Variants in BDKRB2 observed in about 807,000 individuals in gnomAD.
BDKRB2 encodes the protein bradykinin receptor B2, also known as B2 bradykinin receptor.
Under a neutral mutation model 4.0 loss-of-function variants are expected in BDKRB2, and 6 were observed. The ratio of observed to expected loss-of-function variants is 1.49; its 90% CI spans 0.81 to 2.93. BDKRB2 has a LOEUF of 2.93. Ranked by LOEUF, BDKRB2 falls within the 30% of genes most tolerant of loss-of-function variation. The pLI is 0.00. For missense variants in BDKRB2, 478 were observed against 520.1 expected (o/e 0.92, Z 0.79); for synonymous variants, 225 against 215.3 (o/e 1.05, Z -0.40).
intron 1 of BDKRB2, among the ~76,000 whole-genome samples, chr14:96,226,540 G>A (rs2139784246): frequency 6.6e-6 from 1 of 152,298 alleles, no homozygotes; most frequent in South Asian, 2.1e-4. Flanking sequence ...TGTAATCCCA[G>A]CTACCTGGGA....
At chr14:96,236,449 C>T (rs565029596) in intron 1 of BDKRB2, among the ~76,000 whole-genome samples, 1 of 152,192 alleles carries the variant, frequency 6.6e-6, no homozygotes, top group Non-Finnish European at 1.5e-5. Context: ...TCTGCCTTTG[C>T]AGGAGATGGA....
At chr14:96,222,492 A>G (rs1566690620) in intron 1 of BDKRB2, among the ~76,000 whole-genome samples, 2 of 152,096 alleles carry the variant, frequency 1.3e-5, no homozygotes, top group South Asian at 2.1e-4. Flanking sequence ...GAGCCACCTC[A>G]TTAGAACAAA....
Position 96,243,104 on chromosome 14 carries a change from G to A in BDKRB2, c.*1600G>A, listed in dbSNP as rs181313819. On this transcript the variant is annotated 3_prime_UTR_variant, in exon 3 of 3. Transcript: ENST00000554311. ...GCTAAAACCTGAGCTAGAAGCTGGA[G>A]GACTAGAACCTGGAGGGCTGGAATC... The A allele has an allele frequency of 3.2e-5, 5 of 154,502 alleles. No individual in the cohort carries two copies. The highest frequency in any genetic ancestry group is 7.0e-5 in the Non-Finnish European group (5 of 70,986). The allele number at this position is 154,502 out of a possible 1,614,324, so 9.6% of individuals were successfully genotyped here.
At chr14:96,219,371 G>T (rs1003235085) in intron 1 of BDKRB2, among the ~76,000 whole-genome samples, 9 of 151,948 alleles carry the variant, frequency 5.9e-5, no homozygotes, top group African/African-American at 1.9e-4. Flanking sequence ...AATATCTCCG[G>T]TGTTTCCTCT....
In BDKRB2 at chr14:96,241,368, A is replaced by G; in HGVS notation, c.1040A>G (p.Tyr347Cys). The G allele has an allele frequency of 6.2e-7, 1 of 1,613,916 alleles. No homozygotes were observed. Among genetic ancestry groups the G allele is most frequent in the East Asian group, 2.2e-5 (1 of 44,888 alleles). Residue 347 changes from tyrosine (Y) to cysteine (C), a missense_variant, in exon 3 of 3, where the codon TAC becomes TGC. Physicochemically the swap from Tyr to Cys is radical, Grantham distance 194. Transcript: ENST00000554311. ...TTCCGAAAGAAGTCTTGGGAGGTGT[A>G]CCAGGGAGTGTGCCAGAAAGGGGGC... ...KRFRKKSWEV[Y>C]QGVCQKGGCR...
chr14:96,240,260 G>A (rs1464573002), intron 2 of BDKRB2, 143 bp from the exon 3 acceptor site: 10 of 1,331,964 alleles, frequency 7.5e-6, no homozygotes, highest in South Asian at 5.5e-5. Flanking sequence ...ACTGGAGCGC[G>A]GGCTGCAGAA....
At chr14:96,238,312 G>T (rs1890985647) in intron 2 of BDKRB2, 1 of 489,958 alleles carries the variant, frequency 2.0e-6, no homozygotes, top group South Asian at 8.8e-5. Context: ...GGCCAAGAAA[G>T]ATGCTGCAAA....
intron 1 of BDKRB2, among the ~76,000 whole-genome samples, chr14:96,230,575 A>G (rs1025316035): frequency 7.2e-6 from 1 of 139,270 alleles, no homozygotes; most frequent in Admixed American, 7.3e-5. Context: ...TTATATTTTT[A>G]GTAGAGACGG....
At chr14:96,206,579 C>T (rs1334435783) in intron 1 of BDKRB2, among the ~76,000 whole-genome samples, 1 of 151,964 alleles carries the variant, frequency 6.6e-6, no homozygotes. Context: ...CGGTTCTTGC[C>T]ATTAGAAGTA....
At chr14:96,213,495 A>AACACACACACACACAC (rs66460667) in intron 1 of BDKRB2, among the ~76,000 whole-genome samples, 19 of 146,760 alleles carry the variant, frequency 1.3e-4, no homozygotes, top group Admixed American at 6.1e-4. Context: ...GACCGACCCA[A>AACACACACACACACAC]ACACACACAC....
intron 1 of BDKRB2, among the ~76,000 whole-genome samples, chr14:96,222,249 G>T (rs568118035): frequency 1.3e-5 from 2 of 152,092 alleles, no homozygotes; most frequent in African/African-American, 4.8e-5. Flanking sequence ...TGCTGTCTCT[G>T]GGGGCACCAC....
chr14:96,241,737 TACTG>T lies in BDKRB2; in HGVS notation c.*234_*237del. ...AAGGACTCCAAAATCACAACAGCAT[TACTG>T]TTCTTATTTGCTGCCACACCTGAGC... On this transcript the variant is annotated 3_prime_UTR_variant, in exon 3 of 3. Coordinates refer to ENST00000554311, the MANE Select transcript of BDKRB2 (RefSeq NM_001379692.1). The T allele has an allele frequency of 1.7e-5, 9 of 534,194 alleles. No homozygotes were observed. The highest frequency in any genetic ancestry group is 1.2e-4 in the South Asian group (2 of 16,804). The allele number at this position is 534,194 out of a possible 1,614,324, so 33.1% of individuals were successfully genotyped here. A position where few individuals can be genotyped will look rare whatever the true frequency, so the allele number is the denominator to read the frequency against.
At position 96,242,885 on chromosome 14, in the gene BDKRB2, A is replaced by C. The variant is rs1481089647; in HGVS notation, c.*1381A>C. The C allele has an allele frequency of 2.6e-5, 4 of 152,358 alleles. No homozygotes were observed. The highest frequency in any genetic ancestry group is 9.7e-5 in the African/African-American group (4 of 41,440). The allele number at this position is 152,358 out of a possible 1,614,324, so 9.4% of individuals were successfully genotyped here. A position where few individuals can be genotyped will look rare whatever the true frequency, so the allele number is the denominator to read the frequency against. On this transcript the variant is annotated 3_prime_UTR_variant, in exon 3 of 3. Transcript: ENST00000554311. ...AGTATGAGCCCTAGAAGAGTGTGAA[A>C]AGGAATGGCAATGGTGTTCACCATC...
At chr14:96,216,229 C>T (rs1170818100) in intron 1 of BDKRB2, among the ~76,000 whole-genome samples, 1 of 152,120 alleles carries the variant, frequency 6.6e-6, no homozygotes, top group Non-Finnish European at 1.5e-5. Flanking sequence ...GTCACTGCCT[C>T]GGGCCAGGTT....
Position 96,204,840 on chromosome 14 carries a change from C to T in BDKRB2, c.-159C>T, listed in dbSNP as rs1890134139. The T allele has an allele frequency of 2.6e-6, 1 of 387,362 alleles. No individual in the cohort carries two copies. Among genetic ancestry groups the T allele is most frequent in the African/African-American group, 2.2e-5 (1 of 46,116 alleles). The allele number at this position is 387,362 out of a possible 1,614,324, so 24.0% of individuals were successfully genotyped here. On this transcript the variant is annotated 5_prime_UTR_variant, in exon 1 of 3. Coordinates refer to ENST00000554311, the MANE Select transcript of BDKRB2 (RefSeq NM_001379692.1). ...GAAAGATGAGCTGTTCCCGCCGCCA[C>T]TCCAGCTCTGGCTTCTGGGCTCCGA...
rs145208669 is a variant in BDKRB2 at position 96,219,942 on chromosome 14, C to T, written c.-40+14983C>T. On this transcript the variant is annotated intron_variant, in intron 1 of 2. Transcript: ENST00000554311. ...GCAGGAGAGGGAGGTGGTCCAGGGA[C>T]CTTTCTGGCCGACCAAGCCTAGAGC... Among the ~76,000 whole-genome samples the T allele has an allele frequency of 1.9e-4, 29 of 152,070 alleles. No homozygotes were observed. In the East Asian group the frequency reaches 5.6e-3, roughly 29 times the overall value.
At chr14:96,209,765 T>A (rs1429726469) in intron 1 of BDKRB2, among the ~76,000 whole-genome samples, 1 of 152,120 alleles carries the variant, frequency 6.6e-6, no homozygotes, top group Non-Finnish European at 1.5e-5. Context: ...GGAGGCCAAG[T>A]TGTGTGGATC....
intron 2 of BDKRB2, chr14:96,240,176 G>A: frequency 9.4e-6 from 12 of 1,275,028 alleles, no homozygotes; most frequent in Non-Finnish European, 1.2e-5. Context: ...GGAGCCTCGA[G>A]ATGAAGAACA....
intron 1 of BDKRB2, among the ~76,000 whole-genome samples, chr14:96,209,428 C>T (rs991787521): frequency 6.6e-6 from 1 of 152,000 alleles, no homozygotes; most frequent in African/African-American, 2.4e-5. Flanking sequence ...TAAGGATGCA[C>T]CCAGGAAAGA....
Sources: allele counts gnomAD v4.1 joint callset (sites outside exome capture counted in the v4.1 genomes callset), GRCh38; gene constraint gnomAD v4.1.1; transcripts MANE v1.5; gene names NCBI Gene and HGNC (gene_info 2026-07-23, HGNC 2026-07-21).